The following ZNF536 variants were observed in gnomAD, a reference collection of about 807,000 sequenced individuals.
ZNF536 encodes zinc finger protein 536.
In ZNF536, 13 loss-of-function variants were observed where a neutral mutation model predicts 84.5. The observed-to-expected ratio is 0.15, with a 90% confidence interval of 0.10 to 0.24. The LOEUF (loss-of-function observed/expected upper bound fraction) is 0.24. Ranked by LOEUF, ZNF536 falls within the 10% of genes least tolerant of loss-of-function variation. The pLI, the probability that ZNF536 is intolerant of heterozygous loss-of-function variation, is 1.00. For synonymous variants in ZNF536, 811 were observed against 742.5 expected (o/e 1.09, Z -1.50); for missense variants, 1,536 against 1,747.5 (o/e 0.88, Z 2.16).
chr19:30,607,051 T>C (rs1786366060), intron 1 of ZNF536, among the ~76,000 whole-genome samples: 1 of 152,178 alleles, frequency 6.6e-6, no homozygotes, highest in African/African-American at 2.4e-5. Context: ...CTCTGCACAA[T>C]GCAGACAGCC....
rs978500741 is a variant in ZNF536, at chr19:30,392,459, G to A, written c.-3+19903G>A. Among the ~76,000 whole-genome samples the A allele has an allele frequency of 5.9e-5, 9 of 152,162 alleles. No individual in the cohort carries two copies. In the East Asian group the frequency reaches 1.4e-3, roughly 23 times the overall value. ...TTGGAAGGGCTGGGATGTAGAATCCGTGCCCTGCACCACCGCCCGGCAGCA... is the reference window on the plus strand; with the variant it reads ...TTGGAAGGGCTGGGATGTAGAATCCATGCCCTGCACCACCGCCCGGCAGCA... On this transcript the variant is annotated intron_variant, in intron 1 of 4. Coordinates refer to ENST00000355537, the MANE Select transcript of ZNF536 (RefSeq NM_014717.3).
At chr19:30,420,063 CT>C (rs1298811509) in intron 1 of ZNF536, among the ~76,000 whole-genome samples, 1 of 152,192 alleles carries the variant, frequency 6.6e-6, no homozygotes, top group Non-Finnish European at 1.5e-5. Flanking sequence ...TGCAGGGCAT[CT>C]GCAGGGACCC....
rs571925893 is a variant in ZNF536 at position 30,612,002 on chromosome 19, A to T, written c.169+62488A>T. Among the ~76,000 whole-genome samples, 3 of 152,196 alleles carry T rather than the reference A, an allele frequency of 2.0e-5. No homozygotes were observed. The East Asian group carries it at 5.8e-4, about 29-fold the overall frequency. ...TGCTGTTTGGTCGTGGGCATTTTGG[A>T]ATTCTCATGGCAGCTTCCTGGGTTT... is the stretch of plus-strand genomic sequence containing the variant. On this transcript the variant is annotated intron_variant, in intron 1 of 1. Transcript: ENST00000592773.
chr19:30,592,244 T>C (rs1402883067), intron 1 of ZNF536, among the ~76,000 whole-genome samples: 3 of 152,176 alleles, frequency 2.0e-5, no homozygotes, highest in Non-Finnish European at 4.4e-5. Flanking sequence ...TGTATAAAGG[T>C]ATCGAGGCAG....
intron 1 of ZNF536, among the ~76,000 whole-genome samples, chr19:30,681,911 T>C (rs2050987524): frequency 6.6e-6 from 1 of 152,148 alleles, no homozygotes; most frequent in Non-Finnish European, 1.5e-5. Flanking sequence ...CAGACGTTAA[T>C]TGTGTCCCTG....
chr19:30,306,382 T>C (rs970542470), intron 2 of ZNF536, among the ~76,000 whole-genome samples: 3 of 152,176 alleles, frequency 2.0e-5, no homozygotes, highest in Non-Finnish European at 4.4e-5. Flanking sequence ...ACAGTCAGAT[T>C]ATTCTCTTTT....
Position 30,581,945 on chromosome 19 carries a change from C to T in ZNF536, c.169+32431C>T, listed in dbSNP as rs187580413. 3.0e-3 allele frequency among the ~76,000 whole-genome samples: 463 copies of T among 152,032 alleles called. 2 individuals carry two copies. The highest frequency in any genetic ancestry group is 6.3e-3 in the South Asian group (30 of 4,798). The stretch of plus-strand genomic sequence containing the variant: ...CAGAGCGAGACTCCTCTGTGTAAAA[C>T]AAAACAAAAACAAAACAAAACAAAA... On this transcript the variant is annotated intron_variant, in intron 1 of 1. Transcript: ENST00000592773.
intron 1 of ZNF536, among the ~76,000 whole-genome samples, chr19:30,283,762 A>AGC (rs1491077286): frequency 4.0e-5 from 6 of 149,348 alleles, no homozygotes; most frequent in African/African-American, 1.5e-4. Flanking sequence ...AGAGAGAGAG[A>AGC]GCCCTTATAA....
intron 1 of ZNF536, among the ~76,000 whole-genome samples, chr19:30,688,875 G>A (rs573921447): frequency 4.6e-5 from 7 of 152,302 alleles, no homozygotes; most frequent in South Asian, 2.1e-4. Flanking sequence ...TCCTGGTAGC[G>A]CTCTGGGCTG....
At chr19:30,683,275 A>C (rs528295443) in intron 1 of ZNF536, among the ~76,000 whole-genome samples, 1 of 152,336 alleles carries the variant, frequency 6.6e-6, no homozygotes, top group East Asian at 1.9e-4. Flanking sequence ...TCTGCCTAAT[A>C]TCAAATGATG....
chr19:30,332,649 AT>A (rs1370449270), intron 2 of ZNF536, among the ~76,000 whole-genome samples: 2 of 152,122 alleles, frequency 1.3e-5, no homozygotes, highest in Admixed American at 6.5e-5. Context: ...ATAACCTGTA[AT>A]TATCCAAATT....
chr19:30,477,287 A>G (rs955728918), intron 2 of ZNF536, among the ~76,000 whole-genome samples: 25 of 152,280 alleles, frequency 1.6e-4, no homozygotes, highest in Middle Eastern at 3.4e-3. Context: ...AGGTTCTATG[A>G]GGGCAGGAAT....
At chr19:30,554,334 G>A (rs147534664) in intron 4 of ZNF536, 9 of 142,332 alleles carry the variant, frequency 6.3e-5, no homozygotes, top group African/African-American at 1.3e-4. Flanking sequence ...CTCGGCTCAC[G>A]GCAACTTCCG....
upstream of ZNF536, among the ~76,000 whole-genome samples, chr19:30,367,489 G>A (rs1030585450): frequency 1.3e-5 from 2 of 152,184 alleles, no homozygotes; most frequent in African/African-American, 4.8e-5. Flanking sequence ...AGTCCCTTTA[G>A]ACTCCTTTGC....
chr19:30,283,447 T>C (rs766302542), intron 1 of ZNF536, among the ~76,000 whole-genome samples: 3 of 152,194 alleles, frequency 2.0e-5, no homozygotes, highest in Non-Finnish European at 4.4e-5. Context: ...CTTACATCAG[T>C]GATAAAACAG....
At chr19:30,250,310 T>C (rs144967216) in intron 1 of ZNF536, among the ~76,000 whole-genome samples, 86 of 152,358 alleles carry the variant, frequency 5.6e-4, no homozygotes, top group African/African-American at 2.0e-3. Context: ...TCCCCTCTTG[T>C]TGACGCCGAG....
At chr19:30,397,814 A>C (rs906227263) in intron 1 of ZNF536, among the ~76,000 whole-genome samples, 1 of 152,230 alleles carries the variant, frequency 6.6e-6, no homozygotes, top group Non-Finnish European at 1.5e-5. Flanking sequence ...GAAAGTAACC[A>C]GTGTTCAGAA....
intron 2 of ZNF536, among the ~76,000 whole-genome samples, chr19:30,512,619 GA>G (rs749461176): frequency 1.1e-3 from 146 of 137,860 alleles, no homozygotes; most frequent in African/African-American, 1.8e-3. Flanking sequence ...AAACCATTTT[GA>G]AAAAAAAAAA....
intron 1 of ZNF536, among the ~76,000 whole-genome samples, chr19:30,632,264 C>T (rs1343875212): frequency 6.6e-6 from 1 of 152,178 alleles, no homozygotes; most frequent in Non-Finnish European, 1.5e-5. Flanking sequence ...ATGGTCATTA[C>T]TCTAGAATGT....
Sources: gnomAD v4.1 joint callset for allele counts (sites outside exome capture counted in the v4.1 genomes callset) on GRCh38, gnomAD v4.1.1 for gene constraint, MANE v1.5 for transcripts, NCBI Gene and HGNC (gene_info 2026-07-23, HGNC 2026-07-21) for gene names.